The following NAALADL2 variants were observed in gnomAD, a reference collection of about 807,000 sequenced individuals.
NAALADL2 encodes the protein N-acetylated alpha-linked acidic dipeptidase like 2, also known as inactive N-acetylated-alpha-linked acidic dipeptidase-like protein 2.
NAALADL2 carries 76 observed loss-of-function variants against 87.2 expected under a neutral mutation model. The observed-to-expected ratio is 0.87, with a 90% CI of 0.72 to 1.05. The LOEUF (loss-of-function observed/expected upper bound fraction) is 1.05. Ranked by LOEUF, NAALADL2 falls within the 50% of genes least tolerant of loss-of-function variation. NAALADL2 has a pLI of 0.00. For missense variants in NAALADL2, 1,089 were observed against 945.8 expected, an observed-to-expected ratio of 1.15 and a Z score of -1.99; for synonymous variants, 354 against 331.0, an observed-to-expected ratio of 1.07 and a Z score of -0.75.
chr3:175,677,481 GTGT>G (rs1560961376), intron 11 of NAALADL2, among the ~76,000 whole-genome samples: 11 of 119,168 alleles, frequency 9.2e-5, no homozygotes, highest in African/African-American at 3.6e-4. Flanking sequence ...ATAATGGGGT[GTGT>G]GTGTGTGTGT....
chr3:175,147,335 G>A (rs1371694208), intron 2 of NAALADL2, among the ~76,000 whole-genome samples: 1 of 152,094 alleles, frequency 6.6e-6, no homozygotes. Context: ...GTGAGAACAT[G>A]CCGTATTTGG....
At chr3:175,248,608 T>C (rs1352028804) in intron 3 of NAALADL2, among the ~76,000 whole-genome samples, 3 of 152,122 alleles carry the variant, frequency 2.0e-5, no homozygotes, top group Non-Finnish European at 4.4e-5. Flanking sequence ...TATACACATA[T>C]TCAGTCATTT....
intron 5 of NAALADL2, among the ~76,000 whole-genome samples, chr3:175,378,828 C>T (rs994790398): frequency 6.6e-6 from 1 of 152,172 alleles, no homozygotes; most frequent in Non-Finnish European, 1.5e-5. Context: ...GAGAGATAAT[C>T]CTGCACCTGT....
intron 10 of NAALADL2, chr3:175,609,485 G>T (rs576413681): frequency 6.6e-6 from 1 of 151,960 alleles, no homozygotes; most frequent in African/African-American, 2.4e-5. Context: ...AGTTAGCTTT[G>T]TGCAGTGGCA....
intron 1 of NAALADL2, among the ~76,000 whole-genome samples, chr3:175,046,513 C>T (rs868231234): frequency 3.3e-5 from 5 of 152,022 alleles, no homozygotes; most frequent in Non-Finnish European, 5.9e-5. Context: ...GTCATTTCAT[C>T]GAAGCCCTCT....
chr3:174,979,399 G>GCCTC (rs1744816125), intron 1 of NAALADL2, among the ~76,000 whole-genome samples: 1 of 143,044 alleles, frequency 7.0e-6, no homozygotes, highest in Non-Finnish European at 1.5e-5. Flanking sequence ...TCCGCCTCCT[G>GCCTC]GGTTCACGCC....
chr3:175,055,937 A>G (rs1262836563), intron 1 of NAALADL2, among the ~76,000 whole-genome samples: 5 of 152,178 alleles, frequency 3.3e-5, no homozygotes, highest in Non-Finnish European at 7.3e-5. Context: ...ATTTAAAAGA[A>G]AAAGGACCAA....
chr3:175,341,638 A>C (rs1316050646), intron 5 of NAALADL2, among the ~76,000 whole-genome samples: 1 of 152,090 alleles, frequency 6.6e-6, no homozygotes, highest in Non-Finnish European at 1.5e-5. Flanking sequence ...TATATATGAG[A>C]TGTCCAAGTT....
At chr3:175,585,418 T>G (rs1720407387) in intron 10 of NAALADL2, among the ~76,000 whole-genome samples, 1 of 152,218 alleles carries the variant, frequency 6.6e-6, no homozygotes, top group Non-Finnish European at 1.5e-5. Context: ...ATTCTTATTC[T>G]TCTAGTTTTC....
At chr3:175,115,299 C>T (rs1400024086) in intron 2 of NAALADL2, 2 of 151,422 alleles carry the variant, frequency 1.3e-5, no homozygotes, top group Non-Finnish European at 3.0e-5. Context: ...ATTTGTTATG[C>T]TTGTGATTTT....
At chr3:174,607,425 T>G (rs1719224231) in intron 2 of NAALADL2, among the ~76,000 whole-genome samples, 1 of 150,570 alleles carries the variant, frequency 6.6e-6, no homozygotes, top group African/African-American at 2.4e-5. Context: ...GAAACCCATC[T>G]CACGTGCAGA....
intron 2 of NAALADL2, among the ~76,000 whole-genome samples, chr3:175,218,296 G>T (rs575427370): frequency 1.3e-5 from 2 of 152,206 alleles, no homozygotes; most frequent in African/African-American, 4.8e-5. Flanking sequence ...GCATATCAGA[G>T]TGTCTAAAAT....
chr3:175,612,241 G>C (rs979327106), intron 10 of NAALADL2, among the ~76,000 whole-genome samples: 1 of 152,098 alleles, frequency 6.6e-6, no homozygotes, highest in Non-Finnish European at 1.5e-5. Context: ...AAGGACAGTT[G>C]GGACAGATTT....
At chr3:175,249,549 TTC>T (rs1399107174) in intron 3 of NAALADL2, among the ~76,000 whole-genome samples, 5 of 152,178 alleles carry the variant, frequency 3.3e-5, no homozygotes, top group African/African-American at 1.2e-4. Context: ...ATCATATTAT[TTC>T]TCTCTCACAT....
At chr3:174,972,254 C>T (rs1332219359) in intron 1 of NAALADL2, among the ~76,000 whole-genome samples, 1 of 152,180 alleles carries the variant, frequency 6.6e-6, no homozygotes, top group Admixed American at 6.5e-5. Context: ...TATTGTCTTT[C>T]AGTTTGTTAA....
At chr3:174,828,716 A>T (rs17512895) in intron 3 of NAALADL2, among the ~76,000 whole-genome samples, 5,693 of 152,268 alleles carry the variant, frequency 0.037, 106 homozygotes, top group Middle Eastern at 0.088. Flanking sequence ...ATGGTTATGC[A>T]CATCGCTCCT....
chr3:175,286,313 A>G (rs773762250), intron 4 of NAALADL2, among the ~76,000 whole-genome samples: 8 of 152,156 alleles, frequency 5.3e-5, no homozygotes, highest in Non-Finnish European at 7.4e-5. Flanking sequence ...GAGGCTGGCA[A>G]GGAGATTTAC....
At chr3:175,802,255 G>T (rs1355618501) in intron 13 of NAALADL2, among the ~76,000 whole-genome samples, 1 of 151,272 alleles carries the variant, frequency 6.6e-6, no homozygotes, top group Non-Finnish European at 1.5e-5. Context: ...GTTCAGTTTT[G>T]CACTACTTCT....
intron 6 of NAALADL2, among the ~76,000 whole-genome samples, chr3:175,455,735 C>T (rs749479021): frequency 7.9e-5 from 12 of 151,868 alleles, no homozygotes; most frequent in East Asian, 1.9e-4. Context: ...TCAGATTTTC[C>T]GGCAAACAGT....
Sources: gnomAD v4.1 joint callset for allele counts (sites outside exome capture counted in the v4.1 genomes callset) on GRCh38, gnomAD v4.1.1 for gene constraint, MANE v1.5 for transcripts, NCBI Gene and HGNC (gene_info 2026-07-23, HGNC 2026-07-21) for gene names.